Variants in EIF2AK4 observed in about 807,000 individuals in gnomAD.
The protein encoded by EIF2AK4 is eIF-2-alpha kinase GCN2.
EIF2AK4 carries 139 observed loss-of-function variants against 211.1 expected under a neutral mutation model. The ratio of observed to expected loss-of-function variants is 0.66; its 90% CI spans 0.57 to 0.76. EIF2AK4 has a LOEUF of 0.76. Ranked by LOEUF, EIF2AK4 falls within the 30% of genes least tolerant of loss-of-function variation. EIF2AK4 has a pLI of 0.00. For missense variants in EIF2AK4, 1,664 were observed against 2,043.8 expected (o/e 0.81, Z 3.58); for synonymous variants, 710 against 751.3 (o/e 0.94, Z 0.90).
rs17848517 is a variant in EIF2AK4, at chr15:39,985,900, G to A, written c.2403+12G>A. 1.2e-3 allele frequency: 1,936 copies of A among 1,612,578 alleles called. 15 individuals carry two copies. The East Asian group carries it at 0.018, about 15-fold the overall frequency. The stretch of plus-strand genomic sequence containing the variant: ...ACCTATACATCCAGGTGAGGTCGTG[G>A]TGTGTAGTTAGGTGACACAGCAACA... On this transcript the variant is annotated intron_variant, in intron 14 of 38. Coordinates refer to ENST00000263791, the MANE Select transcript of EIF2AK4 (RefSeq NM_001013703.4).
chr15:39,986,346 T>G (rs1474257563), intron 14 of EIF2AK4, among the ~76,000 whole-genome samples: 1 of 152,226 alleles, frequency 6.6e-6, no homozygotes, highest in Non-Finnish European at 1.5e-5. Context: ...TCTGGACAAG[T>G]AAGATATGAT....
In EIF2AK4 at chr15:39,978,059, TTC is replaced by T; in HGVS notation, c.2250-17_2250-16del. The T allele has an allele frequency of 2.5e-6, 4 of 1,573,426 alleles. No individual in the cohort carries two copies. The highest frequency in any genetic ancestry group is 2.6e-6 in the Non-Finnish European group (3 of 1,149,566). ...ATAGGGATTTCTGTTCCTTTAGTAT[TTC>T]TGTTTCCCTTTTTCAGGCCTGCTTC... On this transcript the variant is annotated splice_polypyrimidine_tract_variant and intron_variant, in intron 12 of 38. Transcript: ENST00000263791.
chr15:40,017,511 A>ATATATATATG (rs2035321780), intron 29 of EIF2AK4, among the ~76,000 whole-genome samples: 1 of 8,248 alleles, frequency 1.2e-4, no homozygotes, highest in African/African-American at 4.8e-4. Context: ...CTATATATAT[A>ATATATATATG]TATATATATA....
chr15:40,035,284 A>G lies in EIF2AK4; in HGVS notation c.*200A>G. The G allele has an allele frequency of 5.5e-6, 2 of 365,840 alleles. No homozygotes were observed. Among genetic ancestry groups the G allele is most frequent in the East Asian group, 8.8e-5 (2 of 22,676 alleles). The allele number at this position is 365,840 out of a possible 1,614,324, so 22.7% of individuals were successfully genotyped here. A position where few individuals can be genotyped will look rare whatever the true frequency, so the allele number is the denominator to read the frequency against. The stretch of plus-strand genomic sequence containing the variant: ...CAGGAGTTTGAGACCAGCCTGAGCA[A>G]CAAAGCAAGACCCCATCTCTATAAA... On this transcript the variant is annotated 3_prime_UTR_variant, in exon 39 of 39. Coordinates refer to ENST00000263791, the MANE Select transcript of EIF2AK4 (RefSeq NM_001013703.4).
intron 23 of EIF2AK4, among the ~76,000 whole-genome samples, chr15:40,006,772 T>C (rs2035167578): frequency 6.6e-6 from 1 of 151,866 alleles, no homozygotes; most frequent in African/African-American, 2.4e-5. Context: ...ACCTAAGAAA[T>C]GCCACAGTGA....
intron 23 of EIF2AK4, among the ~76,000 whole-genome samples, chr15:40,003,963 T>C (rs1318040749): frequency 6.6e-6 from 1 of 152,220 alleles, no homozygotes; most frequent in African/African-American, 2.4e-5. Flanking sequence ...GCAAAGGATA[T>C]AACCAGGCAG....
At chr15:39,961,950 T>C in intron 7 of EIF2AK4, 51 bp downstream of exon 7, 3 of 1,449,770 alleles carry the variant, frequency 2.1e-6, no homozygotes, top group African/African-American at 1.4e-5. Flanking sequence ...CAAAAGTTAA[T>C]CACAAAGGAA....
At chr15:40,031,068 T>C (rs1156240742) in intron 35 of EIF2AK4, among the ~76,000 whole-genome samples, 1 of 152,080 alleles carries the variant, frequency 6.6e-6, no homozygotes, top group Non-Finnish European at 1.5e-5. Context: ...GGTGAAACCC[T>C]GTCTCTACTA....
At chr15:39,999,791 G>A (rs1455695139) in intron 20 of EIF2AK4, among the ~76,000 whole-genome samples, 1 of 152,144 alleles carries the variant, frequency 6.6e-6, no homozygotes, top group Non-Finnish European at 1.5e-5. Flanking sequence ...GTTTCTGGGT[G>A]TCATAAGTAA....
chr15:39,967,267 A>C, intron 8 of EIF2AK4, 77 bp from the exon 9 acceptor site: 5 of 1,451,778 alleles, frequency 3.4e-6, no homozygotes, highest in Non-Finnish European at 3.7e-6. Flanking sequence ...GTATGATCAA[A>C]TACTTCACTT....
Position 39,976,778 on chromosome 15 carries a change from C to A in EIF2AK4, c.2183C>A (p.Pro728Gln), listed in dbSNP as rs768979198. ...AGTGCCCGTTTCCCCGCCACCGGCC[C>A]GGGCTCCAGCGATGACGAGGACGAC... ...SASARFPATG[P>Q]GSSDDEDDDE... The change falls in exon 12 of 39, where the codon CCG (proline) becomes CAG (glutamine). Residue 728 changes from proline to glutamine, a missense_variant. Around this residue, in one of 7 missense-constraint regions of EIF2AK4, gnomAD observed 206 missense variants for 201.9 expected, o/e 1.02. Coordinates refer to ENST00000263791, the MANE Select transcript of EIF2AK4 (RefSeq NM_001013703.4). 1 of 1,587,572 alleles carries A rather than the reference C, an allele frequency of 6.3e-7. No individual in the cohort carries two copies. The highest frequency in any genetic ancestry group is 1.7e-4 in the Middle Eastern group (1 of 6,024).
chr15:39,986,062 T>C (rs531455051), intron 14 of EIF2AK4, among the ~76,000 whole-genome samples, 174 bp downstream of exon 14: 1 of 152,312 alleles, frequency 6.6e-6, no homozygotes, highest in African/African-American at 2.4e-5. Context: ...CTTGAACTCA[T>C]GCTTTCCTGC....
Position 39,944,489 on chromosome 15 carries a change from T to C in EIF2AK4, c.360+1004T>C, listed in dbSNP as rs1411590634. Among the ~76,000 whole-genome samples, 5 of 143,050 alleles carry C rather than the reference T, an allele frequency of 3.5e-5. No individual in the cohort carries two copies. In the East Asian group the frequency reaches 7.0e-4, roughly 20 times the overall value. 93.8% of individuals were successfully genotyped at this position (143,050 alleles called of 152,430 possible). On this transcript the variant is annotated intron_variant, in intron 3 of 38. Transcript: ENST00000263791. The stretch of plus-strand genomic sequence containing the variant: ...CTCTGTCACCCAGGCTAGAGTGCAA[T>C]GGCGCAATCTCGGCTCACTGCAAGC...
rs200590056 is a variant in EIF2AK4 at position 40,025,647 on chromosome 15, TA to T, written c.4390-318del. Reference sequence around the variant, plus strand: ...AATGAGAGCCCATTCATCTTGGCCTTAAAAAAAAAAAATTCTATCATCTGTG... The same window carrying T: ...AATGAGAGCCCATTCATCTTGGCCTTAAAAAAAAAAATTCTATCATCTGTG... On this transcript the variant is annotated intron_variant, in intron 32 of 38. Coordinates refer to ENST00000263791, the MANE Select transcript of EIF2AK4 (RefSeq NM_001013703.4). Among the ~76,000 whole-genome samples the T allele has an allele frequency of 8.6e-3, 1,264 of 146,908 alleles. 45 individuals are homozygous for T. The East Asian group carries it at 0.13, about 15-fold the overall frequency.
intron 1 of EIF2AK4, among the ~76,000 whole-genome samples, chr15:39,936,668 C>T (rs955861201): frequency 6.6e-6 from 1 of 152,160 alleles, no homozygotes; most frequent in African/African-American, 2.4e-5. Flanking sequence ...CCTCGCCTCC[C>T]AAAGTCCTGG....
chr15:39,943,363 T>C lies in EIF2AK4; in HGVS notation c.258-20T>C. On this transcript the variant is annotated intron_variant, in intron 2 of 38. Transcript: ENST00000263791. ...TTCTGGAGTAACTCTTTTTTTTTTT[T>C]TTTTTTTTGCCTTTTCCAGAGTTCC... is the stretch of plus-strand genomic sequence containing the variant. 7.1e-7 allele frequency: 1 copy of C among 1,411,424 alleles called. No individual in the cohort carries two copies. 87.4% of individuals were successfully genotyped at this position (1,411,424 alleles called of 1,614,324 possible).
chr15:39,953,869 AG>A lies in EIF2AK4; in HGVS notation c.514-34del, dbSNP rs749287218. On this transcript the variant is annotated intron_variant, in intron 4 of 38. Coordinates refer to ENST00000263791, the MANE Select transcript of EIF2AK4 (RefSeq NM_001013703.4). ...AATTTATATGTTGTATGGGTTTCAG[AG>A]ATTGGCATTTGATGATGGTTTGATT... 109 of 1,598,236 alleles carry A rather than the reference AG, an allele frequency of 6.8e-5. 1 individual carries two copies. The highest frequency in any genetic ancestry group is 2.2e-5 in the South Asian group (2 of 89,290).
intron 26 of EIF2AK4, among the ~76,000 whole-genome samples, chr15:40,010,484 G>A (rs544342693): frequency 1.3e-5 from 2 of 152,196 alleles, no homozygotes; most frequent in Non-Finnish European, 2.9e-5. Context: ...AGACTGGAAG[G>A]GGACGCATTG....
chr15:39,957,158 A>G (rs1225946560), intron 6 of EIF2AK4, among the ~76,000 whole-genome samples: 3 of 152,376 alleles, frequency 2.0e-5, no homozygotes, highest in Admixed American at 1.3e-4. Context: ...CTTTGAATTA[A>G]ATCAATGATA....
Sources: allele counts gnomAD v4.1 joint callset (sites outside exome capture counted in the v4.1 genomes callset), GRCh38; gene constraint gnomAD v4.1.1; regional missense constraint gnomAD v4.1.1; transcripts MANE v1.5; gene names NCBI Gene and HGNC (gene_info 2026-07-23, HGNC 2026-07-21).